RALYL: variants seen among roughly 807,000 people sequenced by gnomAD.
The protein encoded by RALYL is RALY RNA binding protein like, also known as RNA-binding Raly-like protein.
A neutral mutation model predicts 35.1 loss-of-function variants in RALYL; 29 were observed. The ratio of observed to expected loss-of-function variants is 0.83; its 90% CI spans 0.61 to 1.13. The LOEUF (loss-of-function observed/expected upper bound fraction) is 1.13, where lower values mean the gene tolerates loss of function less well. Ranked by LOEUF, RALYL falls within the 50% of genes most tolerant of loss-of-function variation. RALYL has a pLI of 0.00. For synonymous variants in RALYL, 120 were observed against 127.6 expected (o/e 0.94, Z 0.40); for missense variants, 359 against 360.4 (o/e 1.00, Z 0.03).
At chr8:84,850,059 G>C in intron 5 of RALYL, 32 bp downstream of exon 5, 1 of 1,272,634 alleles carries the variant, frequency 7.9e-7, no homozygotes, top group Non-Finnish European at 1.1e-6. Context: ...GTTTTCCTAT[G>C]ACTTAAATTA....
chr8:84,430,313 T>C (rs1475276055), intron 1 of RALYL, among the ~76,000 whole-genome samples: 1 of 152,204 alleles, frequency 6.6e-6, no homozygotes, highest in Non-Finnish European at 1.5e-5. Flanking sequence ...CAGTAATTTA[T>C]TTTAAACATT....
chr8:84,912,319 G>A (rs1027295687), intron 8 of RALYL, among the ~76,000 whole-genome samples: 2 of 151,828 alleles, frequency 1.3e-5, no homozygotes, highest in African/African-American at 4.8e-5. Flanking sequence ...AAATTAAAAG[G>A]GTTTTAGGAG....
chr8:84,867,861 C>T (rs1365700558), intron 6 of RALYL, among the ~76,000 whole-genome samples: 1 of 152,090 alleles, frequency 6.6e-6, no homozygotes, highest in Non-Finnish European at 1.5e-5. Flanking sequence ...CCCTGAGGAA[C>T]TATTTCATAG....
chr8:84,748,624 T>C (rs551140902), intron 2 of RALYL, among the ~76,000 whole-genome samples: 3 of 152,250 alleles, frequency 2.0e-5, no homozygotes, highest in Non-Finnish European at 2.9e-5. Flanking sequence ...TATGTTATCA[T>C]GCTACCTGAA....
chr8:84,878,654 A>G (rs746653105), intron 7 of RALYL, among the ~76,000 whole-genome samples: 8 of 152,092 alleles, frequency 5.3e-5, no homozygotes, highest in Admixed American at 1.3e-4. Context: ...ATACTGTAAT[A>G]AAAACATAAA....
At chr8:84,877,547 G>A (rs190980156) in intron 7 of RALYL, among the ~76,000 whole-genome samples, 61 of 151,972 alleles carry the variant, frequency 4.0e-4, no homozygotes, top group African/African-American at 1.5e-3. Context: ...TATTTAAAGG[G>A]AGCTATAGTA....
At chr8:84,371,797 G>A (rs1183795872) in intron 1 of RALYL, among the ~76,000 whole-genome samples, 1 of 151,906 alleles carries the variant, frequency 6.6e-6, no homozygotes, top group Non-Finnish European at 1.5e-5. Context: ...GGTTTCTTGG[G>A]AAAAAAATAA....
At chr8:84,248,794 G>A (rs960323251) in intron 1 of RALYL, among the ~76,000 whole-genome samples, 3 of 152,072 alleles carry the variant, frequency 2.0e-5, no homozygotes, top group African/African-American at 7.2e-5. Flanking sequence ...AAGCATATAA[G>A]TAGCAGCAGT....
At chr8:84,773,850 A>C (rs367713755) in intron 2 of RALYL, among the ~76,000 whole-genome samples, 10 of 152,338 alleles carry the variant, frequency 6.6e-5, no homozygotes, top group African/African-American at 2.4e-4. Context: ...TATTTCATAC[A>C]AATGTTTATG....
rs192617216 is a variant in RALYL at position 84,832,315 on chromosome 8, T to C, written c.366-17665T>C. 3.0e-3 allele frequency among the ~76,000 whole-genome samples: 450 copies of C among 152,250 alleles called. 3 individuals are homozygous for C. The highest frequency in any genetic ancestry group is 0.01 in the African/African-American group (427 of 41,574). On this transcript the variant is annotated intron_variant, in intron 4 of 8. Coordinates refer to ENST00000521268, the MANE Select transcript of RALYL (RefSeq NM_173848.7). ...GATTACGTTGATAGATTTCCAGACCTGAAACTGATACTAATGACCTCTTTC... is the reference window on the plus strand; with the variant it reads ...GATTACGTTGATAGATTTCCAGACCCGAAACTGATACTAATGACCTCTTTC...
chr8:84,648,350 CA>C (rs1205813900), intron 2 of RALYL, among the ~76,000 whole-genome samples: 2 of 151,938 alleles, frequency 1.3e-5, no homozygotes, highest in African/African-American at 4.8e-5. Flanking sequence ...CCATCATAAA[CA>C]AAAAATGAGG....
intron 1 of RALYL, among the ~76,000 whole-genome samples, chr8:84,372,579 A>C (rs985903508): frequency 1.3e-5 from 2 of 152,006 alleles, no homozygotes; most frequent in African/African-American, 4.8e-5. Context: ...CTCTTAAAAA[A>C]TAAAAATAAA....
chr8:84,657,342 A>G (rs1830137952), intron 2 of RALYL, among the ~76,000 whole-genome samples: 1 of 152,220 alleles, frequency 6.6e-6, no homozygotes, highest in East Asian at 1.9e-4. Flanking sequence ...TGTGCTTTCA[A>G]GGTAAAAATT....
chr8:84,584,249 T>C (rs1811480236), intron 2 of RALYL, among the ~76,000 whole-genome samples: 1 of 152,152 alleles, frequency 6.6e-6, no homozygotes, highest in Non-Finnish European at 1.5e-5. Flanking sequence ...TGGCAGAACA[T>C]ATACAGAGGA....
chr8:84,893,104 G>A (rs1844159576), intron 8 of RALYL, among the ~76,000 whole-genome samples: 2 of 152,166 alleles, frequency 1.3e-5, no homozygotes, highest in South Asian at 4.1e-4. Context: ...TATAGTTGGG[G>A]AACCAGACAT....
intron 2 of RALYL, among the ~76,000 whole-genome samples, chr8:84,566,648 T>A (rs1272682380): frequency 6.6e-6 from 1 of 151,636 alleles, no homozygotes; most frequent in Non-Finnish European, 1.5e-5. Flanking sequence ...TGAAGACCTT[T>A]ATGGTGCAAT....
At chr8:84,348,518 T>C (rs185395510) in intron 1 of RALYL, among the ~76,000 whole-genome samples, 1 of 152,236 alleles carries the variant, frequency 6.6e-6, no homozygotes, top group East Asian at 1.9e-4. Context: ...ACCCAGCCAG[T>C]TGTCCATTTA....
chr8:84,318,571 A>G (rs1331772199), intron 1 of RALYL, among the ~76,000 whole-genome samples: 2 of 152,196 alleles, frequency 1.3e-5, no homozygotes, highest in Non-Finnish European at 2.9e-5. Flanking sequence ...AATATAAATT[A>G]CAATATTTTT....
intron 1 of RALYL, among the ~76,000 whole-genome samples, chr8:84,195,371 C>T (rs1378574451): frequency 2.6e-5 from 4 of 152,034 alleles, no homozygotes; most frequent in African/African-American, 9.7e-5. Flanking sequence ...ACCTGGGAGG[C>T]AGAGGTTGCA....
Sources: allele counts gnomAD v4.1 joint callset (sites outside exome capture counted in the v4.1 genomes callset), GRCh38; gene constraint gnomAD v4.1.1; transcripts MANE v1.5; gene names NCBI Gene and HGNC (gene_info 2026-07-23, HGNC 2026-07-21).